The following CREB5 variants were observed in gnomAD, a reference collection of about 807,000 sequenced individuals.
The protein encoded by CREB5 is cyclic AMP-responsive element-binding protein 5.
Under a neutral mutation model 57.1 loss-of-function variants are expected in CREB5, and 19 were observed. That is an observed-to-expected ratio of 0.33 (90% CI 0.23 to 0.49). The LOEUF is 0.49. Among genes scored for constraint, CREB5 ranks in the 20% least tolerant of loss-of-function variants. The probability of loss-of-function intolerance (pLI) is 0.99; values close to 1 mark genes in which losing one functional copy is unlikely to be tolerated. For synonymous variants in CREB5, 238 were observed against 238.3 expected (o/e 1.00, Z 0.01); for missense variants, 579 against 671.6 (o/e 0.86, Z 1.52).
chr7:28,628,401 GC>G (rs1399304098), intron 5 of CREB5, among the ~76,000 whole-genome samples: 1 of 152,066 alleles, frequency 6.6e-6, no homozygotes, highest in Non-Finnish European at 1.5e-5. Flanking sequence ...GTTCTGATTT[GC>G]CCCAGAAGGC....
chr7:28,569,777 T>C (rs1047634164), intron 4 of CREB5, among the ~76,000 whole-genome samples: 1 of 152,224 alleles, frequency 6.6e-6, no homozygotes, highest in Non-Finnish European at 1.5e-5. Context: ...AAGCGGCAAC[T>C]CTTATTCTGA....
chr7:28,479,335 C>T (rs1267203745), intron 1 of CREB5, among the ~76,000 whole-genome samples: 2 of 152,170 alleles, frequency 1.3e-5, no homozygotes, highest in African/African-American at 4.8e-5. Context: ...AGGGTGACCC[C>T]CTTCTAATAA....
chr7:28,508,757 T>A (rs906191117), intron 4 of CREB5, among the ~76,000 whole-genome samples: 6 of 152,156 alleles, frequency 3.9e-5, no homozygotes, highest in African/African-American at 1.2e-4. Flanking sequence ...GTACAAAATC[T>A]CAGTCAACTC....
chr7:28,600,298 C>A (rs989036919), intron 5 of CREB5, among the ~76,000 whole-genome samples: 7 of 152,150 alleles, frequency 4.6e-5, no homozygotes, highest in Non-Finnish European at 1.0e-4. Context: ...AAACCATCGA[C>A]TGTCCTGACA....
chr7:28,413,724 T>C (rs953229785), intron 1 of CREB5, among the ~76,000 whole-genome samples: 2 of 152,210 alleles, frequency 1.3e-5, no homozygotes, highest in African/African-American at 4.8e-5. Flanking sequence ...CCCTTATTTC[T>C]AGATCTCTGT....
chr7:28,479,940 A>G (rs1305859922), intron 1 of CREB5, among the ~76,000 whole-genome samples: 2 of 152,118 alleles, frequency 1.3e-5, no homozygotes, highest in East Asian at 1.9e-4. Context: ...TGTTTTGAGT[A>G]TGACTTCAGC....
At chr7:28,672,284 C>T (rs758062942) in intron 5 of CREB5, among the ~76,000 whole-genome samples, 1 of 151,888 alleles carries the variant, frequency 6.6e-6, no homozygotes, top group Non-Finnish European at 1.5e-5. Flanking sequence ...CAAGTCATTA[C>T]ACCTTTCTAA....
At chr7:28,787,874 C>T (rs890683731) in intron 7 of CREB5, among the ~76,000 whole-genome samples, 11 of 152,174 alleles carry the variant, frequency 7.2e-5, no homozygotes, top group African/African-American at 2.7e-4. Flanking sequence ...ATTCTTAACT[C>T]TGCTATCATC....
chr7:28,802,390 AT>A (rs1310074550), intron 7 of CREB5, among the ~76,000 whole-genome samples: 1 of 151,940 alleles, frequency 6.6e-6, no homozygotes, highest in African/African-American at 2.4e-5. Flanking sequence ...TTGAATTGGT[AT>A]TTTTCAATAG....
At chr7:28,343,011 G>A (rs1381281872) in intron 1 of CREB5, among the ~76,000 whole-genome samples, 1 of 152,010 alleles carries the variant, frequency 6.6e-6, no homozygotes, top group Non-Finnish European at 1.5e-5. Context: ...CACAATCTGG[G>A]CTCACTGCAA....
chr7:28,646,465 AC>A (rs1798893096), intron 5 of CREB5, among the ~76,000 whole-genome samples: 2 of 152,202 alleles, frequency 1.3e-5, no homozygotes, highest in Admixed American at 6.5e-5. Flanking sequence ...TTGAGGTGAT[AC>A]CTGCTTTATC....
intron 4 of CREB5, among the ~76,000 whole-genome samples, chr7:28,547,896 C>T (rs1483375964): frequency 2.0e-5 from 3 of 152,174 alleles, no homozygotes; most frequent in Non-Finnish European, 4.4e-5. Context: ...CTACACAGAC[C>T]TTGCTTAATA....
intron 1 of CREB5, among the ~76,000 whole-genome samples, chr7:28,453,496 G>A (rs1206580024): frequency 6.6e-6 from 1 of 152,192 alleles, no homozygotes; most frequent in African/African-American, 2.4e-5. Context: ...ATATAAAATT[G>A]ACTTATCTTC....
intron 4 of CREB5, among the ~76,000 whole-genome samples, chr7:28,535,691 A>G (rs531289423): frequency 1.9e-4 from 29 of 152,310 alleles, no homozygotes; most frequent in African/African-American, 6.3e-4. Context: ...GAAGGAAGGA[A>G]AAAGGAAGAG....
chr7:28,731,559 C>T (rs1803635087), intron 7 of CREB5, among the ~76,000 whole-genome samples: 1 of 152,152 alleles, frequency 6.6e-6, no homozygotes, highest in African/African-American at 2.4e-5. Context: ...AAGTTAATAA[C>T]TTGTCTAAGG....
chr7:28,650,428 G>A (rs1363599332), intron 5 of CREB5, among the ~76,000 whole-genome samples: 1 of 152,090 alleles, frequency 6.6e-6, no homozygotes, highest in African/African-American at 2.4e-5. Context: ...CAAATCAATT[G>A]TGTGGCCATT....
At chr7:28,661,476 G>C (rs1363301402) in intron 5 of CREB5, among the ~76,000 whole-genome samples, 2 of 150,978 alleles carry the variant, frequency 1.3e-5, no homozygotes, top group South Asian at 2.1e-4. Context: ...ACATGTCAAG[G>C]GGGGAAACTG....
At chr7:28,815,489 T>C (rs1414536919) in intron 9 of CREB5, among the ~76,000 whole-genome samples, 4 of 152,190 alleles carry the variant, frequency 2.6e-5, no homozygotes, top group Admixed American at 2.6e-4. Flanking sequence ...GTATGGGGTT[T>C]TGGTGATAGG....
chr7:28,626,975 G>C (rs534185363), intron 5 of CREB5, among the ~76,000 whole-genome samples: 1 of 152,274 alleles, frequency 6.6e-6, no homozygotes, highest in East Asian at 1.9e-4. Context: ...CTCAATGCTT[G>C]CAATGAGTTA....
Sources: gnomAD v4.1 joint callset for allele counts (sites outside exome capture counted in the v4.1 genomes callset) on GRCh38, gnomAD v4.1.1 for gene constraint, MANE v1.5 for transcripts, NCBI Gene and HGNC (gene_info 2026-07-23, HGNC 2026-07-21) for gene names.